Variants in CDH7 observed in about 807,000 individuals in gnomAD.
CDH7 encodes the protein cadherin 7.
CDH7 carries 25 observed loss-of-function variants against 71.8 expected under a neutral mutation model. The observed-to-expected ratio is 0.35, with a 90% CI of 0.25 to 0.49. The LOEUF is 0.49. CDH7 is among the 20% of genes least tolerant of loss of function. The probability of loss-of-function intolerance (pLI) is 0.99; values close to 1 mark genes in which losing one functional copy is unlikely to be tolerated. For missense variants in CDH7, 862 were observed against 974.6 expected (o/e 0.88, Z 1.54); for synonymous variants, 381 against 363.8 (o/e 1.05, Z -0.54).
rs568502512 is a variant in CDH7, at chr18:65,859,525, G to C, written c.1495-183G>C. On this transcript the variant is annotated intron_variant, in intron 9 of 11. Coordinates refer to ENST00000397968, the MANE Select transcript of CDH7 (RefSeq NM_004361.5). ...GAATTCAAACATGAACTAAGAAAAT[G>C]ACATGATTTGTTTTTCAGAGCCCTT... 7.0e-4 allele frequency among the ~76,000 whole-genome samples: 107 copies of C among 152,296 alleles called. 1 individual carries two copies. The South Asian group carries it at 0.014, about 20-fold the overall frequency.
At chr18:65,848,264 A>G (rs1188280994) in intron 7 of CDH7, among the ~76,000 whole-genome samples, 2 of 152,184 alleles carry the variant, frequency 1.3e-5, no homozygotes, top group African/African-American at 2.4e-5. Context: ...AGACTGATCA[A>G]TGACTGAACA....
chr18:65,825,415 A>AG (rs1448621166), intron 6 of CDH7, among the ~76,000 whole-genome samples: 1 of 151,872 alleles, frequency 6.6e-6, no homozygotes, highest in Non-Finnish European at 1.5e-5. Flanking sequence ...CCCAAACTAA[A>AG]GATTATTTTC....
At chr18:65,772,131 A>C (rs1462207715) in intron 2 of CDH7, among the ~76,000 whole-genome samples, 1 of 152,182 alleles carries the variant, frequency 6.6e-6, no homozygotes, top group East Asian at 1.9e-4. Flanking sequence ...CAAAATTTGG[A>C]CAACACATAC....
At chr18:65,809,597 C>T (rs1911448799) in intron 2 of CDH7, 107 bp from the exon 3 acceptor site, 5 of 917,608 alleles carry the variant, frequency 5.4e-6, no homozygotes, top group South Asian at 4.9e-5. Flanking sequence ...TTTCCAAGAA[C>T]AATAAAATTT....
chr18:65,850,002 A>G (rs1913088614), intron 7 of CDH7, among the ~76,000 whole-genome samples: 1 of 148,818 alleles, frequency 6.7e-6, no homozygotes, highest in East Asian at 2.0e-4. Flanking sequence ...TGTCTTTACC[A>G]AAAGTACAAA....
intron 2 of CDH7, among the ~76,000 whole-genome samples, chr18:65,779,275 T>TTTTC (rs71167147): frequency 7.2e-6 from 1 of 138,630 alleles, no homozygotes; most frequent in Non-Finnish European, 1.5e-5. Flanking sequence ...TTTTTTTTTT[T>TTTTC]CAGTCATTAT....
intron 2 of CDH7, among the ~76,000 whole-genome samples, chr18:65,781,743 T>C (rs181033478): frequency 1.3e-5 from 2 of 151,278 alleles, no homozygotes; most frequent in Admixed American, 6.6e-5. Context: ...AGCTACCCTA[T>C]TGGTTGATTT....
At chr18:65,797,246 C>T (rs1043720955) in intron 2 of CDH7, among the ~76,000 whole-genome samples, 2 of 152,144 alleles carry the variant, frequency 1.3e-5, no homozygotes, top group Non-Finnish European at 2.9e-5. Context: ...TTGAGAATGT[C>T]GTATTCTCCC....
intron 7 of CDH7, among the ~76,000 whole-genome samples, chr18:65,850,068 G>A (rs1452353852): frequency 4.0e-5 from 6 of 151,286 alleles, no homozygotes; most frequent in African/African-American, 1.5e-4. Context: ...GGAGGCTGAG[G>A]CTGAAGAATC....
intron 7 of CDH7, among the ~76,000 whole-genome samples, chr18:65,856,607 A>AATCAAGC (rs1360868400): frequency 2.6e-5 from 4 of 152,126 alleles, no homozygotes; most frequent in Non-Finnish European, 5.9e-5. Flanking sequence ...AAGAATCAAG[A>AATCAAGC]AGATGAAGAA....
intron 7 of CDH7, among the ~76,000 whole-genome samples, chr18:65,846,090 T>C (rs1015452481): frequency 1.1e-4 from 16 of 152,132 alleles, no homozygotes; most frequent in African/African-American, 3.9e-4. Flanking sequence ...TTTTATAATA[T>C]TTTCATTGGA....
intron 6 of CDH7, among the ~76,000 whole-genome samples, chr18:65,835,476 A>G (rs576115821): frequency 6.6e-6 from 1 of 152,162 alleles, no homozygotes; most frequent in Admixed American, 6.5e-5. Context: ...AGCCTATCTC[A>G]TAAAATCATT....
Position 65,829,588 on chromosome 18 carries a change from C to T in CDH7, c.981+4757C>T, listed in dbSNP as rs184865610. The stretch of plus-strand genomic sequence containing the variant: ...TAAACTACTTGTAATTCCTGGAGAG[C>T]AACGTAAAGTTTTTTCCAGTTCTTC... On this transcript the variant is annotated intron_variant, in intron 6 of 11. Transcript: ENST00000397968. Among the ~76,000 whole-genome samples the T allele has an allele frequency of 1.4e-3, 220 of 151,982 alleles. 1 individual carries two copies. The highest frequency in any genetic ancestry group is 4.4e-3 in the South Asian group (21 of 4,822).
chr18:65,842,436 G>A (rs1250790560), intron 6 of CDH7, among the ~76,000 whole-genome samples: 2 of 151,540 alleles, frequency 1.3e-5, no homozygotes, highest in African/African-American at 2.4e-5. Flanking sequence ...TAAGCTGTGG[G>A]ATCTCTTTAA....
rs1030094500 is a variant in CDH7, at chr18:65,883,672, A to G, written c.*2778A>G. 1.3e-5 allele frequency: 2 copies of G among 152,074 alleles called. No homozygotes were observed. The highest frequency in any genetic ancestry group is 6.6e-5 in the Admixed American group (1 of 15,250). The allele number at this position is 152,074 out of a possible 1,614,324, so 9.4% of individuals were successfully genotyped here. ...TGGGATTATTTAGACCACAACAGTA[A>G]TCAGCAAACACTACCCTTTTCTCTG... is the stretch of plus-strand genomic sequence containing the variant. On this transcript the variant is annotated 3_prime_UTR_variant, in exon 12 of 12. Transcript: ENST00000397968.
intron 3 of CDH7, 37 bp from the exon 4 acceptor site, chr18:65,814,448 A>G (rs909046566): frequency 6.2e-7 from 1 of 1,612,496 alleles, no homozygotes; most frequent in Non-Finnish European, 8.5e-7. Context: ...TGGTATTTGG[A>G]AGTTTTTAAT....
chr18:65,890,006 A>G lies in CDH7; in HGVS notation c.*9112A>G, dbSNP rs1017017486. ...ATTATGTTTCCCAGGCTGGCTTTTA[A>G]CTCCTGGCCTCAAGTTATCCTCCTG... On this transcript the variant is annotated 3_prime_UTR_variant, in exon 12 of 12. Coordinates refer to ENST00000397968, the MANE Select transcript of CDH7 (RefSeq NM_004361.5). 2 of 151,766 alleles carry G rather than the reference A, an allele frequency of 1.3e-5. No homozygotes were observed. Among genetic ancestry groups the G allele is most frequent in the African/African-American group, 4.8e-5 (2 of 41,302 alleles). 9.4% of individuals were successfully genotyped at this position (151,766 alleles called of 1,614,324 possible). A position where few individuals can be genotyped will look rare whatever the true frequency, so the allele number is the denominator to read the frequency against.
intron 6 of CDH7, among the ~76,000 whole-genome samples, chr18:65,832,123 A>G (rs1285087307): frequency 1.3e-5 from 2 of 152,144 alleles, no homozygotes; most frequent in East Asian, 3.9e-4. Context: ...ATTATTTTCT[A>G]CCTGCGGACT....
chr18:65,818,305 T>C (rs2143927524), intron 4 of CDH7, among the ~76,000 whole-genome samples: 1 of 152,246 alleles, frequency 6.6e-6, no homozygotes, highest in Middle Eastern at 3.4e-3. Context: ...ACAGAATGAA[T>C]TGGGTTTATT....
Sources: gnomAD v4.1 joint callset for allele counts (sites outside exome capture counted in the v4.1 genomes callset) on GRCh38, gnomAD v4.1.1 for gene constraint, MANE v1.5 for transcripts, NCBI Gene and HGNC (gene_info 2026-07-23, HGNC 2026-07-21) for gene names.